Variants in NTRK1 observed in about 807,000 individuals in gnomAD.
NTRK1 encodes neurotrophic receptor tyrosine kinase 1.
In NTRK1, 62 loss-of-function variants were observed where a neutral mutation model predicts 86.8. The ratio of observed to expected loss-of-function variants is 0.71; its 90% CI spans 0.58 to 0.88. The LOEUF (loss-of-function observed/expected upper bound fraction) is 0.88. Ranked by LOEUF, NTRK1 falls within the 40% of genes least tolerant of loss-of-function variation. The pLI is 0.00. For missense variants in NTRK1, 967 were observed against 1,078.4 expected (o/e 0.90, Z 1.45); for synonymous variants, 469 against 456.6 (o/e 1.03, Z -0.35).
rs149646444 is a variant in NTRK1 at position 156,864,412 on chromosome 1, G to C, written c.271G>C (p.Gly91Arg). 1.9e-6 allele frequency: 3 copies of C among 1,613,966 alleles called. No homozygotes were observed. The highest frequency in any genetic ancestry group is 1.3e-5 in the African/African-American group (1 of 74,900). Residue 91 changes from glycine (G) to arginine (R), a missense_variant, in exon 2 of 17, where the codon GGG (glycine) becomes CGG (arginine). Transcript: ENST00000524377. Reference sequence around the variant, plus strand: ...GGAGCTCCGTGATCTGAGGGGCCTGGGGGAGCTGAGAAACCTGTGAGGGAA... The same window carrying C: ...GGAGCTCCGTGATCTGAGGGGCCTGCGGGAGCTGAGAAACCTGTGAGGGAA... The part of the protein sequence containing the change: ...HLELRDLRGL[G>R]ELRNLTIVKS...
upstream of NTRK1, among the ~76,000 whole-genome samples, chr1:156,855,918 C>T (rs960827016): frequency 7.4e-5 from 11 of 149,458 alleles, no homozygotes; most frequent in South Asian, 2.1e-4. Context: ...GACTAATGTG[C>T]GTGTGTGTGT....
At chr1:156,866,516 C>T (rs1468995526) in intron 3 of NTRK1, among the ~76,000 whole-genome samples, 1 of 152,310 alleles carries the variant, frequency 6.6e-6, no homozygotes, top group East Asian at 1.9e-4. Context: ...AACCCTCCCC[C>T]TCTTCCTCTG....
intron 2 of NTRK1, chr1:156,845,034 G>T: frequency 1.3e-6 from 2 of 1,569,982 alleles, no homozygotes. Flanking sequence ...GGGTCCTTGG[G>T]GTCGGTGATG....
At chr1:156,872,544 C>T (rs12132885) in intron 7 of NTRK1, among the ~76,000 whole-genome samples, 48,439 of 151,676 alleles carry the variant, frequency 0.32, 9,123 homozygotes, top group Non-Finnish European at 0.41. Flanking sequence ...CTATATGTAG[C>T]TCATGCAATT....
chr1:156,866,491 G>T (rs1415232278), intron 3 of NTRK1, among the ~76,000 whole-genome samples: 1 of 152,188 alleles, frequency 6.6e-6, no homozygotes, highest in Non-Finnish European at 1.5e-5. Flanking sequence ...GTAGGGGCAA[G>T]GGAGTGGCAG....
At chr1:156,852,814 G>A (rs1159783246) in intron 2 of NTRK1, among the ~76,000 whole-genome samples, 3 of 152,170 alleles carry the variant, frequency 2.0e-5, no homozygotes, top group African/African-American at 4.8e-5. Flanking sequence ...GAGAGGATGC[G>A]CAGCAGCTGT....
Position 156,881,545 on chromosome 1 carries a change from A to C in NTRK1, c.2294A>C (p.Gln765Pro). ...TACGCCATCATGCGGGGCTGCTGGCAGCGGGAGCCCCAGCAACGCCACAGC... is the reference window on the plus strand; with the variant it reads ...TACGCCATCATGCGGGGCTGCTGGCCGCGGGAGCCCCAGCAACGCCACAGC... ...EVYAIMRGCW[Q>P]REPQQRHSIK... The change falls in exon 17 of 17, where the codon CAG (glutamine) becomes CCG (proline). Residue 765 changes from glutamine (Q) to proline (P), a missense_variant. Coordinates refer to ENST00000524377, the MANE Select transcript of NTRK1 (RefSeq NM_002529.4). 1 of 1,608,114 alleles carries C rather than the reference A, an allele frequency of 6.2e-7. No homozygotes were observed. The highest frequency in any genetic ancestry group is 8.5e-7 in the Non-Finnish European group (1 of 1,177,634).
In NTRK1 at chr1:156,873,944, G is replaced by A. The variant is rs1008878777; in HGVS notation, c.1162G>A (p.Glu388Lys). 3 of 1,553,756 alleles carry A rather than the reference G, an allele frequency of 1.9e-6. No homozygotes were observed. The highest frequency in any genetic ancestry group is 8.7e-7 in the Non-Finnish European group (1 of 1,148,120). The change falls in exon 8 of 17, where the codon GAG becomes AAG. Residue 388 changes from glutamate (E) to lysine (K), a missense_variant. By Grantham distance (56) the Glu-to-Lys change is moderately conservative (BLOSUM62 1). Coordinates refer to ENST00000524377, the MANE Select transcript of NTRK1 (RefSeq NM_002529.4). The part of the protein sequence containing the change: ...FMDNPFEFNP[E>K]DPIPVSFSPV... Reference sequence around the variant, plus strand: ...GGACAACCCTTTCGAGTTCAACCCCGAGGACCCCATCCCTGGTGCGAGGGC... The same window carrying A: ...GGACAACCCTTTCGAGTTCAACCCCAAGGACCCCATCCCTGGTGCGAGGGC...
At chr1:156,866,863 G>A (rs1359123786) in intron 3 of NTRK1, 47 bp from the exon 4 acceptor site, 1 of 1,592,122 alleles carries the variant, frequency 6.3e-7, no homozygotes, top group Admixed American at 1.7e-5. Context: ...TCAGAGTGAG[G>A]TCGGGTCACT....
chr1:156,848,795 A>G, intron 2 of NTRK1: 1 of 1,171,400 alleles, frequency 8.5e-7, no homozygotes, highest in Non-Finnish European at 1.2e-6. Flanking sequence ...ACGGAGTACA[A>G]CTTGCGGGTC....
rs770494215 is a variant in NTRK1, at chr1:156,849,446, TAG to T, written c.50+7258_50+7259del. ...TTGTAGGTTCTGGTTGTCCAGCACG[TAG>T]AGAGTGTAGTTCCTGGGGGAGGCCA... On this transcript the variant is annotated intron_variant, in intron 2 of 16. Transcript: ENST00000392302. The T allele has an allele frequency of 4.4e-6, 7 of 1,606,214 alleles. No individual in the cohort carries two copies. In the South Asian group the frequency reaches 4.4e-5, roughly 10 times the overall value.
Position 156,853,671 on chromosome 1 carries a change from C to T in NTRK1, c.51-10683C>T, listed in dbSNP as rs1482287707. 3 of 1,374,782 alleles carry T rather than the reference C, an allele frequency of 2.2e-6. No homozygotes were observed. The African/African-American group carries it at 4.3e-5, about 20-fold the overall frequency. The allele number at this position is 1,374,782 out of a possible 1,614,324, so 85.2% of individuals were successfully genotyped here. A position where few individuals can be genotyped will look rare whatever the true frequency, so the allele number is the denominator to read the frequency against. The stretch of plus-strand genomic sequence containing the variant: ...AACAGTGGCAGCTGAAAGTACTGAC[C>T]CACACCATCCTGTGGCCACCCAGCC... On this transcript the variant is annotated intron_variant, in intron 2 of 16. Transcript: ENST00000392302.
In NTRK1 at chr1:156,861,012, G is replaced by T; in HGVS notation, c.78G>T (p.Leu26=). ...AAGPGSLLAW[L]ILASAGAAPC... ...GGCCGGGCAGCCTGCTGGCTTGGCT[G>T]ATACTGGCATCTGCGGGCGCCGCAC... The change falls in exon 1 of 17, where the codon CTG becomes CTT. Residue 26 remains leucine, a synonymous_variant. Transcript: ENST00000524377. 6.5e-7 allele frequency: 1 copy of T among 1,538,456 alleles called. No homozygotes were observed. Among genetic ancestry groups the T allele is most frequent in the Non-Finnish European group, 8.7e-7 (1 of 1,148,102 alleles).
Position 156,881,379 on chromosome 1 carries a change from G to A in NTRK1, c.2206-78G>A, listed in dbSNP as rs1648247033. ...AGTGTGAGCTGCCTTGGGAGCCTCA[G>A]TGAGGGCACTGGGACTGGCCTCACT... On this transcript the variant is annotated intron_variant, in intron 16 of 16. Transcript: ENST00000524377. The A allele has an allele frequency of 2.2e-5, 32 of 1,450,000 alleles. 1 individual carries two copies. Among genetic ancestry groups the A allele is most frequent in the Non-Finnish European group, 2.7e-5 (29 of 1,074,712 alleles). 89.8% of individuals were successfully genotyped at this position (1,450,000 alleles called of 1,614,324 possible). A position where few individuals can be genotyped will look rare whatever the true frequency, so the allele number is the denominator to read the frequency against.
At chr1:156,873,547 C>T (rs925887912) in intron 7 of NTRK1, 86 bp from the exon 8 acceptor site, 42 of 1,166,640 alleles carry the variant, frequency 3.6e-5, no homozygotes, top group Non-Finnish European at 4.7e-5. Context: ...GGGTTCTACT[C>T]GCTTTGCCCG....
rs546594593 is a variant in NTRK1, at chr1:156,868,031, A to T, written c.429-73A>T. 1.5e-4 allele frequency: 237 copies of T among 1,574,788 alleles called. 2 individuals carry two copies. In the South Asian group the frequency reaches 2.5e-3, roughly 17 times the overall value. ...TGTAGACGGTCCTCCCTGCTGCCTA[A>T]CTGCTCCCTCTTATCCCCTGTGATC... On this transcript the variant is annotated intron_variant, in intron 4 of 16. Transcript: ENST00000524377.
At chr1:156,852,145 G>A (rs1356783756) in intron 2 of NTRK1, 1 of 1,611,846 alleles carries the variant, frequency 6.2e-7, no homozygotes, top group Non-Finnish European at 8.5e-7. Context: ...CGGTGTGGCA[G>A]CACTCGCCCC....
intron 1 of NTRK1, among the ~76,000 whole-genome samples, chr1:156,824,304 T>G (rs1393220193): frequency 6.6e-6 from 1 of 152,134 alleles, no homozygotes; most frequent in Non-Finnish European, 1.5e-5. Flanking sequence ...ACCTCCCGAG[T>G]GGAGCCACAG....
At chr1:156,862,581 C>T (rs1655704320) in intron 1 of NTRK1, among the ~76,000 whole-genome samples, 1 of 152,154 alleles carries the variant, frequency 6.6e-6, no homozygotes, top group South Asian at 2.1e-4. Context: ...GGGGCTGCAG[C>T]CTGACATCCC....
Sources: allele counts gnomAD v4.1 joint callset (sites outside exome capture counted in the v4.1 genomes callset), GRCh38; gene constraint gnomAD v4.1.1; transcripts MANE v1.5; gene names NCBI Gene and HGNC (gene_info 2026-07-23, HGNC 2026-07-21).